WDR87: variants seen among roughly 807,000 people sequenced by gnomAD.
WDR87 encodes WD repeat-containing protein 87.
WDR87 carries 56 observed loss-of-function variants against 83.3 expected under a neutral mutation model. The observed-to-expected ratio is 0.67, with a 90% CI of 0.54 to 0.84. WDR87 has a LOEUF of 0.84. Among genes scored for constraint, WDR87 ranks in the 40% least tolerant of loss-of-function variants. The probability of loss-of-function intolerance (pLI) is 0.00; values close to 1 mark genes in which losing one functional copy is unlikely to be tolerated. For synonymous variants in WDR87, 1,173 were observed against 1,250.6 expected, an observed-to-expected ratio of 0.94 and a Z score of 1.31; for missense variants, 2,939 against 3,431.9, an observed-to-expected ratio of 0.86 and a Z score of 3.59.
intron 1 of WDR87, among the ~76,000 whole-genome samples, chr19:37,901,621 G>A (rs1299532661): frequency 5.9e-5 from 9 of 152,158 alleles, no homozygotes; most frequent in Non-Finnish European, 1.5e-5. Context: ...GGCCTACAGA[G>A]AGCAAATGGT....
Position 37,885,135 on chromosome 19 carries a change from GGCA to G in WDR87, c.8533_8535del (p.Cys2845del). ...GGAGTATGAGAACTGCCACAAAACA[GGCA>G]GCAGAACAGCCGTTCCCCGGGAACT... On this transcript the variant is annotated inframe_deletion, in exon 6 of 6. Coordinates refer to ENST00000447313, the MANE Select transcript of WDR87 (RefSeq NM_001291088.2). 1 of 1,463,138 alleles carries G rather than the reference GGCA, an allele frequency of 6.8e-7. No individual in the cohort carries two copies. Among genetic ancestry groups the G allele is most frequent in the Non-Finnish European group, 9.0e-7 (1 of 1,108,110 alleles). 90.6% of individuals were successfully genotyped at this position (1,463,138 alleles called of 1,614,324 possible).
chr19:37,900,722 C>T (rs2046288298), intron 1 of WDR87, among the ~76,000 whole-genome samples: 1 of 151,978 alleles, frequency 6.6e-6, no homozygotes, highest in South Asian at 2.1e-4. Flanking sequence ...CATCCTGTCT[C>T]TTTCCACGCT....
At position 37,884,845 on chromosome 19, in the gene WDR87, G is replaced by T; in HGVS notation, c.*87C>A. The T allele has an allele frequency of 4.4e-6, 5 of 1,133,332 alleles. No individual in the cohort carries two copies. Among genetic ancestry groups the T allele is most frequent in the South Asian group, 4.5e-5 (1 of 22,190 alleles). The allele number at this position is 1,133,332 out of a possible 1,614,324, so 70.2% of individuals were successfully genotyped here. ...CACCGTCTCAAAAAAAAAAAAAAGAGAGAGAGAGAGATGAAGGTCTAGATC... is the reference window on the plus strand; with the variant it reads ...CACCGTCTCAAAAAAAAAAAAAAGATAGAGAGAGAGATGAAGGTCTAGATC... On this transcript the variant is annotated 3_prime_UTR_variant, in exon 6 of 6. Coordinates refer to ENST00000447313, the MANE Select transcript of WDR87 (RefSeq NM_001291088.2).
intron 2 of WDR87, among the ~76,000 whole-genome samples, chr19:37,897,547 T>G (rs1218187339): frequency 1.3e-5 from 2 of 151,954 alleles, no homozygotes; most frequent in African/African-American, 4.8e-5. Flanking sequence ...ATAGCAAAAC[T>G]GAGCTTGGCA....
In WDR87 at chr19:37,890,112, T is replaced by G; in HGVS notation, c.3559A>C (p.Lys1187Gln). The G allele has an allele frequency of 6.4e-7, 1 of 1,552,008 alleles. No individual in the cohort carries two copies. The highest frequency in any genetic ancestry group is 8.7e-7 in the Non-Finnish European group (1 of 1,147,064). ...SQWSSSTSVI[K>Q]LSKDVDSQEK... is the part of the protein sequence containing the mutation. Reference sequence around the variant, plus strand: ...TGAGAATCAACATCTTTTGAGAGCTTTATTACACTGGTGCTTGAAGACCAT... The same window carrying G: ...TGAGAATCAACATCTTTTGAGAGCTGTATTACACTGGTGCTTGAAGACCAT... The change falls in exon 6 of 6, where the codon AAG (lysine) becomes CAG (glutamine). Residue 1187 changes from lysine to glutamine, a missense_variant. By Grantham distance (53) the Lys-to-Gln change is moderately conservative. This residue lies in a region of WDR87 where 2,160 missense variants were observed against 2,533.1 expected (regional missense o/e 0.85). Coordinates refer to ENST00000447313, the MANE Select transcript of WDR87 (RefSeq NM_001291088.2).
rs2046224629 is a variant in WDR87 at position 37,893,390 on chromosome 19, G to T, written c.2313C>A (p.Asp771Glu). 1.3e-6 allele frequency: 2 copies of T among 1,552,046 alleles called. No homozygotes were observed. The highest frequency in any genetic ancestry group is 2.7e-5 in the African/African-American group (2 of 73,060). The change falls in exon 4 of 6, where the codon GAC becomes GAA. Residue 771 changes from aspartate to glutamate, a missense_variant. Around this residue, in one of 3 missense-constraint regions of WDR87, gnomAD observed 2,160 missense variants for 2,533.1 expected, o/e 0.85. Coordinates refer to ENST00000447313, the MANE Select transcript of WDR87 (RefSeq NM_001291088.2). ...LRSSMHYSLQ[D>E]MEDWMQVSKR... is the part of the protein sequence containing the mutation. ...TGCTCACCTGCATCCAATCTTCCAT[G>T]TCCTGCAAAGAATAATGCATGGAGG...
At position 37,888,803 on chromosome 19, in the gene WDR87, G is replaced by C. The variant is rs2046176023; in HGVS notation, c.4868C>G (p.Ala1623Gly). ...WARIHRKRAR[A>G]EKKRAQEERK... ...CTCTTCTTGGGCTCGTTTTTTTTCA[G>C]CTCGGGCTCGTTTCCTGTGTATTCT... Residue 1623 changes from alanine to glycine, a missense_variant, in exon 6 of 6, where the codon GCT becomes GGT. Transcript: ENST00000447313. 6.4e-7 allele frequency: 1 copy of C among 1,550,708 alleles called. No individual in the cohort carries two copies. The highest frequency in any genetic ancestry group is 8.7e-7 in the Non-Finnish European group (1 of 1,146,814).
Position 37,890,085 on chromosome 19 carries a change from C to T in WDR87, c.3586G>A (p.Glu1196Lys). 1.3e-6 allele frequency: 2 copies of T among 1,551,888 alleles called. No individual in the cohort carries two copies. The highest frequency in any genetic ancestry group is 1.4e-5 in the African/African-American group (1 of 73,154). ...IKLSKDVDSQEKDISKDHIAL... is the reference protein window; with the variant it reads ...IKLSKDVDSQKKDISKDHIAL... ...ATGTGATCCTTCGAGATATCTTTCT[C>T]TTGAGAATCAACATCTTTTGAGAGC... The change falls in exon 6 of 6, where the codon GAG becomes AAG. Residue 1196 changes from glutamate to lysine, a missense_variant. Around this residue, in one of 3 missense-constraint regions of WDR87, gnomAD observed 2,160 missense variants for 2,533.1 expected, o/e 0.85. Transcript: ENST00000447313.
intron 1 of WDR87, among the ~76,000 whole-genome samples, chr19:37,905,712 C>T (rs1267925962): frequency 2.0e-5 from 3 of 152,020 alleles, no homozygotes; most frequent in East Asian, 1.9e-4. Context: ...CATGCCACCA[C>T]GCCTAGCTAG....
At chr19:37,891,944 C>A (rs2046209306) in intron 4 of WDR87, 124 bp from the exon 5 acceptor site, 2 of 1,166,162 alleles carry the variant, frequency 1.7e-6, no homozygotes, top group Admixed American at 5.7e-5. Flanking sequence ...ATGGCATATG[C>A]AGAGGAAAAT....
intron 1 of WDR87, among the ~76,000 whole-genome samples, chr19:37,902,362 G>A (rs1472661375): frequency 6.6e-6 from 1 of 151,950 alleles, no homozygotes; most frequent in African/African-American, 2.4e-5. Flanking sequence ...TTACAGGCAT[G>A]CACCACCATG....
rs1323061837 is a variant in WDR87, at chr19:37,886,354, C to G, written c.7317G>C (p.Met2439Ile). 8.4e-6 allele frequency: 13 copies of G among 1,551,362 alleles called. No homozygotes were observed. Among genetic ancestry groups the G allele is most frequent in the African/African-American group, 2.7e-5 (2 of 72,992 alleles). ...GCACTGGCACTGGTGTTTTCTCTTTCATCTCCAGAGCTGTTGACATCAGTT... is the reference window on the plus strand; with the variant it reads ...GCACTGGCACTGGTGTTTTCTCTTTGATCTCCAGAGCTGTTGACATCAGTT... ...LKKLMSTALE[M>I]KEKTPVPVPE... Residue 2439 changes from methionine (M) to isoleucine (I), a missense_variant, in exon 6 of 6, where the codon ATG (methionine) becomes ATC (isoleucine). Met to Ile is a conservative substitution (Grantham distance 10). Coordinates refer to ENST00000447313, the MANE Select transcript of WDR87 (RefSeq NM_001291088.2).
Position 37,894,464 on chromosome 19 carries a change from C to T in WDR87, c.1239G>A (p.Val413=). The T allele has an allele frequency of 1.3e-6, 2 of 1,551,720 alleles. No individual in the cohort carries two copies. The highest frequency in any genetic ancestry group is 1.7e-6 in the Non-Finnish European group (2 of 1,147,006). ...TWPFSILDQA[V]DWAYDPGKEE... is the part of the protein sequence containing the mutation. ...CTTTACCTGGGTCGTAGGCCCAATCCACAGCCTGGTCCAGGATTGAGAAGG... is the reference window on the plus strand; with the variant it reads ...CTTTACCTGGGTCGTAGGCCCAATCTACAGCCTGGTCCAGGATTGAGAAGG... Residue 413 remains valine, a synonymous_variant, in exon 4 of 6, where the codon GTG becomes GTA. Coordinates refer to ENST00000447313, the MANE Select transcript of WDR87 (RefSeq NM_001291088.2).
At chr19:37,899,736 C>T (rs747824666) in intron 1 of WDR87, among the ~76,000 whole-genome samples, 1 of 152,194 alleles carries the variant, frequency 6.6e-6, no homozygotes, top group African/African-American at 2.4e-5. Flanking sequence ...GCATGAGCCA[C>T]CACACCTGGC....
At chr19:37,896,352 G>A (rs1454716100) in intron 2 of WDR87, 44 bp from the exon 3 acceptor site, 3 of 1,534,288 alleles carry the variant, frequency 2.0e-6, no homozygotes, top group Admixed American at 4.1e-5. Flanking sequence ...GGGCACAGAG[G>A]CACTAAATAT....
chr19:37,904,678 A>G (rs561866158), intron 1 of WDR87, among the ~76,000 whole-genome samples: 1 of 152,244 alleles, frequency 6.6e-6, no homozygotes, highest in African/African-American at 2.4e-5. Context: ...TATGCAAGTG[A>G]TAGTATACTA....
intron 2 of WDR87, 24 bp downstream of exon 2, chr19:37,898,141 G>GT: frequency 6.4e-7 from 1 of 1,551,092 alleles, no homozygotes; most frequent in Non-Finnish European, 8.7e-7. Context: ...CCTATAATAT[G>GT]TTTATGTCCT....
Position 37,888,343 on chromosome 19 carries a change from C to T in WDR87, c.5328G>A (p.Gln1776=), listed in dbSNP as rs2046170211. The change falls in exon 6 of 6, where the codon CAG becomes CAA. Residue 1776 remains glutamine, a synonymous_variant. Coordinates refer to ENST00000447313, the MANE Select transcript of WDR87 (RefSeq NM_001291088.2). ...TTTCCTCAACCAGTTTCCCCTCTTCCTGATTCAGTTCCTCTTCTTTCCAAG... is the reference window on the plus strand; with the variant it reads ...TTTCCTCAACCAGTTTCCCCTCTTCTTGATTCAGTTCCTCTTCTTTCCAAG... ...ELSWKEEELN[Q]EEGKLVEEKK... is the part of the protein sequence containing the mutation. The T allele has an allele frequency of 6.4e-7, 1 of 1,551,834 alleles. No homozygotes were observed. The highest frequency in any genetic ancestry group is 1.4e-5 in the African/African-American group (1 of 73,096).
At position 37,885,631 on chromosome 19, in the gene WDR87, A is replaced by G. The variant is rs370935622; in HGVS notation, c.8040T>C (p.Leu2680=). The G allele has an allele frequency of 2.0e-4, 314 of 1,551,770 alleles. 1 individual carries two copies. The African/African-American group carries it at 3.6e-3, about 18-fold the overall frequency. The change falls in exon 6 of 6, where the codon CTT becomes CTC. Residue 2680 remains leucine (L), a synonymous_variant. Transcript: ENST00000447313. ...TCTCACTTCTGTAAGGTTCTCCTAG[A>G]AGATGCCAATTTTTAGCCCTTGGGT... ...IPDPRAKNWH[L]LGEPYRSERA... is the part of the protein sequence containing the mutation.
Sources: gnomAD v4.1 joint callset for allele counts (sites outside exome capture counted in the v4.1 genomes callset) on GRCh38, gnomAD v4.1.1 for gene constraint, gnomAD v4.1.1 regional missense constraint, MANE v1.5 for transcripts, NCBI Gene and HGNC (gene_info 2026-07-23, HGNC 2026-07-21) for gene names.